Variants in DENND1A observed in about 807,000 individuals in gnomAD.
DENND1A encodes DENN domain containing 1A, also known as DENN domain-containing protein 1A.
Under a neutral mutation model 113.7 loss-of-function variants are expected in DENND1A, and 51 were observed. That is an observed-to-expected ratio of 0.45 (90% CI 0.36 to 0.57). DENND1A has a LOEUF of 0.57. Ranked by LOEUF, DENND1A falls within the 20% of genes least tolerant of loss-of-function variation. The pLI, the probability that DENND1A is intolerant of heterozygous loss-of-function variation, is 0.00. For missense variants in DENND1A, 1,258 were observed against 1,395.9 expected (o/e 0.90, Z 1.57); for synonymous variants, 565 against 570.8 (o/e 0.99, Z 0.14).
intron 13 of DENND1A, among the ~76,000 whole-genome samples, chr9:123,512,949 A>G (rs1415686686): frequency 6.6e-6 from 1 of 152,254 alleles, no homozygotes; most frequent in Admixed American, 6.5e-5. Context: ...CAGATGTGCA[A>G]CTCAGGTAAA....
intron 13 of DENND1A, among the ~76,000 whole-genome samples, chr9:123,523,938 T>A (rs1271130928): frequency 2.0e-5 from 3 of 152,170 alleles, no homozygotes; most frequent in Admixed American, 6.5e-5. Flanking sequence ...ACAACTAGAA[T>A]CTCTCTAACA....
At chr9:123,564,980 C>CTTTTTTTTTTTTTTTT (rs199613371) in intron 12 of DENND1A, among the ~76,000 whole-genome samples, 1 of 75,746 alleles carries the variant, frequency 1.3e-5, no homozygotes, top group Non-Finnish European at 2.5e-5. Context: ...TCTGTCCCTT[C>CTTTTTTTTTTTTTTTT]TTTTTTTTTT....
chr9:123,696,136 T>C (rs1160899542), intron 5 of DENND1A, among the ~76,000 whole-genome samples: 3 of 152,186 alleles, frequency 2.0e-5, no homozygotes, highest in Non-Finnish European at 4.4e-5. Flanking sequence ...TGTTGCTACA[T>C]TCATTTACCT....
chr9:123,650,952 G>T (rs2062617087), intron 9 of DENND1A, among the ~76,000 whole-genome samples: 1 of 149,598 alleles, frequency 6.7e-6, no homozygotes, highest in African/African-American at 2.5e-5. Flanking sequence ...TGGATGCTAT[G>T]GATGATAAAT....
At chr9:123,514,970 G>A (rs1329901545) in intron 13 of DENND1A, among the ~76,000 whole-genome samples, 1 of 152,214 alleles carries the variant, frequency 6.6e-6, no homozygotes, top group African/African-American at 2.4e-5. Context: ...GTTTGGCAGG[G>A]TGGAATACGG....
chr9:123,452,434 G>T, intron 16 of DENND1A, 87 bp from the exon 17 acceptor site: 1 of 1,085,222 alleles, frequency 9.2e-7, no homozygotes, highest in South Asian at 1.3e-5. Flanking sequence ...ATCGAGTTAA[G>T]CAACATTTCA....
chr9:123,489,069 G>GTT (rs563860847), intron 13 of DENND1A, among the ~76,000 whole-genome samples: 80 of 151,844 alleles, frequency 5.3e-4, no homozygotes, highest in South Asian at 3.7e-3. Flanking sequence ...TCTTCCCTCT[G>GTT]TTACACACAC....
intron 21 of DENND1A, among the ~76,000 whole-genome samples, chr9:123,398,623 C>T (rs1212693558): frequency 6.6e-6 from 1 of 151,974 alleles, no homozygotes; most frequent in Non-Finnish European, 1.5e-5. Flanking sequence ...GTGATCCGCC[C>T]GCCTCGGCCT....
intron 13 of DENND1A, among the ~76,000 whole-genome samples, chr9:123,488,925 G>T (rs1450395950): frequency 6.6e-6 from 1 of 152,170 alleles, no homozygotes; most frequent in East Asian, 1.9e-4. Context: ...TTACAATTCG[G>T]CCAGGCAGGA....
At chr9:123,617,148 T>A (rs1296054604) in intron 10 of DENND1A, among the ~76,000 whole-genome samples, 1 of 152,154 alleles carries the variant, frequency 6.6e-6, no homozygotes, top group Non-Finnish European at 1.5e-5. Flanking sequence ...CTTTTTTCTT[T>A]TTAGGGGAAA....
chr9:123,605,461 C>T (rs1335774433), intron 11 of DENND1A, among the ~76,000 whole-genome samples: 3 of 152,288 alleles, frequency 2.0e-5, no homozygotes, highest in Non-Finnish European at 2.9e-5. Context: ...GGAATCTGGC[C>T]GTGTTTTGGG....
At chr9:123,606,414 A>G (rs145790920) in intron 11 of DENND1A, among the ~76,000 whole-genome samples, 1 of 152,310 alleles carries the variant, frequency 6.6e-6, no homozygotes, top group Non-Finnish European at 1.5e-5. Context: ...GTGCTTCCTA[A>G]GCCTTCTCCC....
At chr9:123,912,876 G>T (rs1043105584) in intron 1 of DENND1A, among the ~76,000 whole-genome samples, 2 of 152,078 alleles carry the variant, frequency 1.3e-5, no homozygotes, top group Non-Finnish European at 2.9e-5. Flanking sequence ...GGTGTCTGTT[G>T]AGTCCCCAGT....
intron 2 of DENND1A, among the ~76,000 whole-genome samples, chr9:123,805,863 T>C (rs1835460940): frequency 6.6e-6 from 1 of 152,200 alleles, no homozygotes; most frequent in East Asian, 1.9e-4. Flanking sequence ...TTCCCAACTG[T>C]GAATTTATAT....
intron 13 of DENND1A, among the ~76,000 whole-genome samples, chr9:123,514,958 C>T (rs2053780487): frequency 2.6e-5 from 4 of 152,178 alleles, no homozygotes; most frequent in African/African-American, 7.2e-5. Context: ...GAACCTCAGG[C>T]AGTTTGGCAG....
In DENND1A at chr9:123,674,342, T is replaced by TCACACACA. The variant is rs546398875; in HGVS notation, c.372+2370_372+2377dup. On this transcript the variant is annotated intron_variant, in intron 6 of 23. Coordinates refer to ENST00000394215, the MANE Select transcript of DENND1A (RefSeq NM_001352964.2). The stretch of plus-strand genomic sequence containing the variant: ...CTCTGTCTCTGTCTCTGTCTCTCTC[T>TCACACACA]CACACACACACACACACACACACAC... Among the ~76,000 whole-genome samples the TCACACACA allele has an allele frequency of 2.2e-3, 296 of 132,354 alleles. 4 individuals carry two copies. Among genetic ancestry groups the TCACACACA allele is most frequent in the East Asian group, 9.7e-3 (42 of 4,346 alleles). The allele number at this position is 132,354 out of a possible 152,430, so 86.8% of individuals were successfully genotyped here. A position where few individuals can be genotyped will look rare whatever the true frequency, so the allele number is the denominator to read the frequency against.
intron 2 of DENND1A, among the ~76,000 whole-genome samples, chr9:123,841,334 TCA>T (rs1194791511): frequency 3.9e-5 from 6 of 152,200 alleles, no homozygotes; most frequent in Non-Finnish European, 7.4e-5. Flanking sequence ...AATAAACTAA[TCA>T]CAGTTATTTT....
chr9:123,505,723 C>T (rs758927772), intron 13 of DENND1A, among the ~76,000 whole-genome samples: 3 of 152,146 alleles, frequency 2.0e-5, no homozygotes, highest in Non-Finnish European at 2.9e-5. Context: ...CATTACACAA[C>T]CGTTCCACTT....
At chr9:123,818,409 T>C (rs1380467869) in intron 2 of DENND1A, among the ~76,000 whole-genome samples, 2 of 152,028 alleles carry the variant, frequency 1.3e-5, no homozygotes, top group African/African-American at 4.8e-5. Flanking sequence ...TGGCCTATAG[T>C]ATTGTTAATA....
Sources: gnomAD v4.1 joint callset for allele counts (sites outside exome capture counted in the v4.1 genomes callset) on GRCh38, gnomAD v4.1.1 for gene constraint, MANE v1.5 for transcripts, NCBI Gene and HGNC (gene_info 2026-07-23, HGNC 2026-07-21) for gene names.